The following SLC26A9 variants were observed in gnomAD, a reference collection of about 807,000 sequenced individuals.
The protein encoded by SLC26A9 is solute carrier family 26 member 9.
Under a neutral mutation model 87.1 loss-of-function variants are expected in SLC26A9, and 46 were observed. The observed-to-expected ratio is 0.53, with a 90% CI of 0.42 to 0.67. The LOEUF (loss-of-function observed/expected upper bound fraction) is 0.67. Among genes scored for constraint, SLC26A9 ranks in the 30% least tolerant of loss-of-function variants. The pLI is 0.00. For synonymous variants in SLC26A9, 437 were observed against 409.1 expected (o/e 1.07, Z -0.82); for missense variants, 927 against 1,018.3 (o/e 0.91, Z 1.22).
chr1:205,918,143 T>C (rs1658672057), intron 19 of SLC26A9, among the ~76,000 whole-genome samples: 1 of 152,142 alleles, frequency 6.6e-6, no homozygotes, highest in South Asian at 2.1e-4. Flanking sequence ...GGGAGGTTTT[T>C]ACCCAGGGCT....
chr1:205,927,551 C>T lies in SLC26A9; in HGVS notation c.1156G>A (p.Val386Ile). 1 of 1,614,092 alleles carries T rather than the reference C, an allele frequency of 6.2e-7. No individual in the cohort carries two copies. Among genetic ancestry groups the T allele is most frequent in the Admixed American group, 1.7e-5 (1 of 60,012 alleles). ...NFFGSFFKIH[V>I]ICCALSVTLA... is the part of the protein sequence containing the mutation. ...GTGACAGAAAGCGCACAGCAAATGA[C>T]ATGAATTTTAAAGAAGGAGCCAAAG... Residue 386 changes from valine to isoleucine, a missense_variant, in exon 10 of 21, where the codon GTC (valine) becomes ATC (isoleucine). Transcript: ENST00000367135.
At position 205,917,262 on chromosome 1, in the gene SLC26A9, C is replaced by A. The variant is rs545592470; in HGVS notation, c.2328+21G>T. On this transcript the variant is annotated intron_variant, in intron 20 of 20. Coordinates refer to ENST00000367135, the MANE Select transcript of SLC26A9 (RefSeq NM_052934.4). ...CCTCTTCGCCCTGCTCCCACCCTCACAGCCCCTTCCCTCAGCTCACCTGCT... is the reference window on the plus strand; with the variant it reads ...CCTCTTCGCCCTGCTCCCACCCTCAAAGCCCCTTCCCTCAGCTCACCTGCT... 3 of 1,613,888 alleles carry A rather than the reference C, an allele frequency of 1.9e-6. No homozygotes were observed. The South Asian group carries it at 3.3e-5, about 18-fold the overall frequency.
At chr1:205,919,672 C>T (rs1171671084) in intron 18 of SLC26A9, among the ~76,000 whole-genome samples, 2 of 152,164 alleles carry the variant, frequency 1.3e-5, no homozygotes, top group Non-Finnish European at 2.9e-5. Flanking sequence ...TGCCCTGTGG[C>T]CACGTCCTTG....
rs187983581 is a variant in SLC26A9 at position 205,914,124 on chromosome 1, G to A, written c.*1233C>T. 2 of 152,144 alleles carry A rather than the reference G, an allele frequency of 1.3e-5. No homozygotes were observed. Among genetic ancestry groups the A allele is most frequent in the African/African-American group, 2.4e-5 (1 of 41,424 alleles). 9.4% of individuals were successfully genotyped at this position (152,144 alleles called of 1,614,324 possible). ...TTAACCCCTATTTTCATCTTCATAG[G>A]AGAAGATGGCCTGAGGTCCTAAGGG... is the stretch of plus-strand genomic sequence containing the variant. On this transcript the variant is annotated 3_prime_UTR_variant, in exon 21 of 21. Transcript: ENST00000367135.
chr1:205,923,688 G>GC, intron 13 of SLC26A9, 75 bp from the exon 14 acceptor site: 1 of 1,575,208 alleles, frequency 6.3e-7, no homozygotes, highest in Non-Finnish European at 8.7e-7. Context: ...CCCTGCTGGG[G>GC]CGGGGGCAGA....
Position 205,935,787 on chromosome 1 carries a change from T to C in SLC26A9, c.34A>G (p.Arg12Gly). ...SQPRPRYVVD[R>G]AAYSLTLFDD... is the part of the protein sequence containing the mutation. ...AAGAGGGTAAGGGAGTATGCGGCTCTGTCTACCACGTAGCGGGGCCTGGGC... is the reference window on the plus strand; with the variant it reads ...AAGAGGGTAAGGGAGTATGCGGCTCCGTCTACCACGTAGCGGGGCCTGGGC... The change falls in exon 2 of 21, where the codon AGA (arginine) becomes GGA (glycine). Residue 12 changes from arginine (R) to glycine (G), a missense_variant. Coordinates refer to ENST00000367135, the MANE Select transcript of SLC26A9 (RefSeq NM_052934.4). 6.2e-7 allele frequency: 1 copy of C among 1,613,952 alleles called. No individual in the cohort carries two copies. The highest frequency in any genetic ancestry group is 8.5e-7 in the Non-Finnish European group (1 of 1,179,894).
chr1:205,933,118 C>T (rs781399356), intron 2 of SLC26A9, 34 bp from the exon 3 acceptor site: 119 of 1,613,756 alleles, frequency 7.4e-5, no homozygotes, highest in Non-Finnish European at 9.6e-5. Context: ...CCAGTCGGCT[C>T]TGCATGGCTT....
chr1:205,928,895 T>C lies in SLC26A9; in HGVS notation c.885A>G (p.Thr295=). The C allele has an allele frequency of 6.2e-7, 1 of 1,614,152 alleles. No individual in the cohort carries two copies. The highest frequency in any genetic ancestry group is 8.5e-7 in the Non-Finnish European group (1 of 1,180,024). ...PTEMIVVVVA[T]AISGGCKMPK... is the part of the protein sequence containing the mutation. ...GCATCTTACAGCCCCCGGAGATAGC[T>C]GTTGCCACCACCACCTGCAAACCCC... Residue 295 remains threonine (T), a synonymous_variant, in exon 8 of 21, where the codon ACA becomes ACG. Transcript: ENST00000367135.
chr1:205,916,511 G>T (rs1243526756), intron 20 of SLC26A9, among the ~76,000 whole-genome samples: 2 of 152,202 alleles, frequency 1.3e-5, no homozygotes, highest in Non-Finnish European at 2.9e-5. Context: ...CCTTTGTTTT[G>T]CTCACTGCTA....
rs34820138 is a variant in SLC26A9 at position 205,931,465 on chromosome 1, G to GTT, written c.552+393_552+394dup. Among the ~76,000 whole-genome samples, 30 of 95,982 alleles carry GTT rather than the reference G, an allele frequency of 3.1e-4. 1 individual carries two copies. The highest frequency in any genetic ancestry group is 3.0e-4 in the African/African-American group (7 of 23,092). The allele number at this position is 95,982 out of a possible 152,430, so 63.0% of individuals were successfully genotyped here. On this transcript the variant is annotated intron_variant, in intron 5 of 20. Coordinates refer to ENST00000367135, the MANE Select transcript of SLC26A9 (RefSeq NM_052934.4). ...GAGGGAGGAGGTGAGCCCTAACTTG[G>GTT]TTTTTTTTTTTTTTTTTTTGAGACG... is the stretch of plus-strand genomic sequence containing the variant.
intron 1 of SLC26A9, among the ~76,000 whole-genome samples, chr1:205,942,734 G>A (rs910561528): frequency 2.6e-5 from 4 of 152,118 alleles, no homozygotes; most frequent in African/African-American, 7.2e-5. Context: ...TCCAGCTACC[G>A]CCCACCCGCC....
At position 205,921,779 on chromosome 1, in the gene SLC26A9, C is replaced by T; in HGVS notation, c.1842G>A (p.Gln614=). ...ACACGCTGGTGCCGTTAGCCGGGGT[C>T]TGGTTGTTGTTGGGGTCGGTGGGGG... ...NAPPTDPNNN[Q]TPANGTSVSY... is the part of the protein sequence containing the mutation. The change falls in exon 17 of 21, where the codon CAG becomes CAA. Residue 614 remains glutamine, a synonymous_variant. Coordinates refer to ENST00000367135, the MANE Select transcript of SLC26A9 (RefSeq NM_052934.4). 6.2e-7 allele frequency: 1 copy of T among 1,604,636 alleles called. No individual in the cohort carries two copies. Among genetic ancestry groups the T allele is most frequent in the Non-Finnish European group, 8.5e-7 (1 of 1,176,314 alleles).
intron 1 of SLC26A9, among the ~76,000 whole-genome samples, chr1:205,936,396 A>G (rs1659509362): frequency 6.6e-6 from 1 of 152,020 alleles, no homozygotes; most frequent in African/African-American, 2.4e-5. Flanking sequence ...TCCCAGGGGG[A>G]CAATGGTGTG....
chr1:205,940,638 C>A (rs1659701724), intron 1 of SLC26A9, among the ~76,000 whole-genome samples: 2 of 152,176 alleles, frequency 1.3e-5, no homozygotes, highest in Admixed American at 6.5e-5. Context: ...CATGCCTTAA[C>A]CCCTCCAAAT....
At chr1:205,929,170 C>A in intron 7 of SLC26A9, 34 bp downstream of exon 7, 1 of 1,596,046 alleles carries the variant, frequency 6.3e-7, no homozygotes. Flanking sequence ...ACAGCCTGGC[C>A]CCCCAACATC....
In SLC26A9 at chr1:205,941,506, C is replaced by T. The variant is rs774867153; in HGVS notation, c.-19+1859G>A. Among the ~76,000 whole-genome samples, 22 of 152,262 alleles carry T rather than the reference C, an allele frequency of 1.4e-4. 1 individual carries two copies. The highest frequency in any genetic ancestry group is 3.4e-3 in the Middle Eastern group (1 of 294). ...TTTTTAAACACTCCTTTTCCTTCTA[C>T]TGTCCCTGTGTTTCCAGGGCAAATC... On this transcript the variant is annotated intron_variant, in intron 1 of 20. Transcript: ENST00000367135.
chr1:205,935,736 G>T lies in SLC26A9; in HGVS notation c.85C>A (p.Arg29=). ...LFDDEFEKKD[R]TYPVGEKLRN... is the part of the protein sequence containing the mutation. ...AGTTTCTCTCCCACTGGGTATGTCC[G>T]GTCCTTCTTCTCAAACTCATCGTCG... Residue 29 remains arginine (R), a synonymous_variant, in exon 2 of 21, where the codon CGG becomes AGG. Coordinates refer to ENST00000367135, the MANE Select transcript of SLC26A9 (RefSeq NM_052934.4). 1 of 1,614,042 alleles carries T rather than the reference G, an allele frequency of 6.2e-7. No homozygotes were observed. Among genetic ancestry groups the T allele is most frequent in the Non-Finnish European group, 8.5e-7 (1 of 1,179,966 alleles).
intron 1 of SLC26A9, among the ~76,000 whole-genome samples, chr1:205,939,564 G>A (rs1007656722): frequency 1.3e-5 from 2 of 152,118 alleles, no homozygotes; most frequent in Admixed American, 6.5e-5. Context: ...GGGGTGGGAC[G>A]TAGAAGACAA....
rs754797573 is a variant in SLC26A9, at chr1:205,915,030, G to T, written c.*327C>A. The T allele has an allele frequency of 9.9e-6, 16 of 1,614,204 alleles. No homozygotes were observed. Among genetic ancestry groups the T allele is most frequent in the Non-Finnish European group, 1.4e-5 (16 of 1,180,034 alleles). On this transcript the variant is annotated 3_prime_UTR_variant, in exon 21 of 21. Coordinates refer to ENST00000367135, the MANE Select transcript of SLC26A9 (RefSeq NM_052934.4). ...TCACTCGTAAAAGCTGGAAGTCAAG[G>T]TGTCCTTCAGCTGCCAAGGACAGGG...
Sources: allele counts gnomAD v4.1 joint callset (sites outside exome capture counted in the v4.1 genomes callset), GRCh38; gene constraint gnomAD v4.1.1; transcripts MANE v1.5; gene names NCBI Gene and HGNC (gene_info 2026-07-23, HGNC 2026-07-21).